TMEM229B: variants seen among roughly 807,000 people sequenced by gnomAD.
TMEM229B encodes the protein transmembrane protein 229B.
TMEM229B carries 6 observed loss-of-function variants against 13.7 expected under a neutral mutation model. The ratio of observed to expected loss-of-function variants is 0.44; its 90% confidence interval spans 0.24 to 0.86. The LOEUF (loss-of-function observed/expected upper bound fraction) is 0.86, where lower values mean the gene tolerates loss of function less well. Among genes scored for constraint, TMEM229B ranks in the 40% least tolerant of loss-of-function variants. The probability of loss-of-function intolerance (pLI) is 0.23; values close to 1 mark genes in which losing one functional copy is unlikely to be tolerated. For synonymous variants in TMEM229B, 107 were observed against 102.1 expected (o/e 1.05, Z -0.29); for missense variants, 170 against 236.0 (o/e 0.72, Z 1.83).
chr14:67,521,602 G>A (rs1056727803), intron 1 of TMEM229B, among the ~76,000 whole-genome samples: 2 of 152,130 alleles, frequency 1.3e-5, no homozygotes, highest in Non-Finnish European at 2.9e-5. Flanking sequence ...GGACTATGCA[G>A]TATTCATGAA....
upstream of TMEM229B, among the ~76,000 whole-genome samples, chr14:67,520,420 G>C (rs1021069951): frequency 6.6e-6 from 1 of 152,148 alleles, no homozygotes; most frequent in Non-Finnish European, 1.5e-5. Context: ...ATGTCATATA[G>C]GTGAAATCAC....
chr14:67,527,284 T>C (rs1410104018), intron 1 of TMEM229B, among the ~76,000 whole-genome samples: 1 of 152,192 alleles, frequency 6.6e-6, no homozygotes, highest in East Asian at 1.9e-4. Flanking sequence ...CCTCAGTCTA[T>C]GCATCTATAA....
chr14:67,485,830 G>A (rs562913610), intron 2 of TMEM229B, among the ~76,000 whole-genome samples: 1 of 152,160 alleles, frequency 6.6e-6, no homozygotes, highest in South Asian at 2.1e-4. Context: ...TCTCGCTGAG[G>A]AGGAGATGCT....
chr14:67,529,649 C>G (rs1293236523), intron 1 of TMEM229B, among the ~76,000 whole-genome samples: 1 of 152,180 alleles, frequency 6.6e-6, no homozygotes, highest in Non-Finnish European at 1.5e-5. Context: ...TCACTGCCTT[C>G]CTAGCCCCAC....
rs2032009309 is a variant in TMEM229B, at chr14:67,488,488, C to A, written c.-192+20G>T. The A allele has an allele frequency of 6.6e-6, 1 of 152,658 alleles. No homozygotes were observed. The allele number at this position is 152,658 out of a possible 1,614,324, so 9.5% of individuals were successfully genotyped here. A position where few individuals can be genotyped will look rare whatever the true frequency, so the allele number is the denominator to read the frequency against. On this transcript the variant is annotated intron_variant, in intron 1 of 2. Transcript: ENST00000554480. ...TTCACAAACGGGACCCTCCAACCCT[C>A]CCTGATCTGTCCATCTTACCGGCTT...
chr14:67,508,140 A>AAAG (rs1424036940), intron 1 of TMEM229B, among the ~76,000 whole-genome samples: 1 of 151,338 alleles, frequency 6.6e-6, no homozygotes, highest in Non-Finnish European at 1.5e-5. Context: ...CATCTCAAAA[A>AAAG]AAAAAAAAAG....
In TMEM229B at chr14:67,473,303, G is replaced by A; in HGVS notation, c.*117C>T. The A allele has an allele frequency of 7.0e-7, 1 of 1,428,866 alleles. No individual in the cohort carries two copies. Among genetic ancestry groups the A allele is most frequent in the Non-Finnish European group, 9.5e-7 (1 of 1,047,184 alleles). The allele number at this position is 1,428,866 out of a possible 1,614,324, so 88.5% of individuals were successfully genotyped here. A position where few individuals can be genotyped will look rare whatever the true frequency, so the allele number is the denominator to read the frequency against. On this transcript the variant is annotated 3_prime_UTR_variant, in exon 3 of 3. Coordinates refer to ENST00000554480, the MANE Select transcript of TMEM229B (RefSeq NM_001348543.2). The surrounding 1 kb of genome is among the most constrained non-coding windows in gnomAD (Gnocchi z 6.5). ...GTTAGGGGGCTCTGTGTGCCCTATAGGGCTGAGGCTTGGCCGGAGCAGGGC... is the reference window on the plus strand; with the variant it reads ...GTTAGGGGGCTCTGTGTGCCCTATAAGGCTGAGGCTTGGCCGGAGCAGGGC...
At chr14:67,500,759 G>C (rs1010674232) in intron 1 of TMEM229B, among the ~76,000 whole-genome samples, 1 of 151,640 alleles carries the variant, frequency 6.6e-6, no homozygotes, top group African/African-American at 2.4e-5. Context: ...TTTTACTAGA[G>C]ACGGGGTTTC....
At chr14:67,522,241 A>G (rs573178679) in intron 1 of TMEM229B, among the ~76,000 whole-genome samples, 1 of 152,184 alleles carries the variant, frequency 6.6e-6, no homozygotes, top group Non-Finnish European at 1.5e-5. Flanking sequence ...CATTCCACAC[A>G]TATCCCCGTA....
intron 2 of TMEM229B, among the ~76,000 whole-genome samples, chr14:67,482,197 G>A (rs576219165): frequency 6.6e-6 from 1 of 152,302 alleles, no homozygotes; most frequent in South Asian, 2.1e-4. Flanking sequence ...TCAGAGCCCT[G>A]TTCACTAAGA....
intron 2 of TMEM229B, among the ~76,000 whole-genome samples, chr14:67,486,509 G>T (rs1183460790): frequency 6.6e-6 from 1 of 152,158 alleles, no homozygotes; most frequent in African/African-American, 2.4e-5. Context: ...TGTTGACCTT[G>T]CGATCCACCC....
chr14:67,526,902 G>T (rs1594724349), intron 1 of TMEM229B, among the ~76,000 whole-genome samples: 1 of 152,166 alleles, frequency 6.6e-6, no homozygotes. Flanking sequence ...TAGGGTATGA[G>T]CCCTGACACA....
chr14:67,504,860 A>G (rs1456722836), intron 1 of TMEM229B, among the ~76,000 whole-genome samples: 3 of 152,178 alleles, frequency 2.0e-5, no homozygotes, highest in Admixed American at 6.5e-5. Context: ...CACTCCAATC[A>G]GGGCAACAAG....
chr14:67,474,766 A>G (rs1474243654), intron 2 of TMEM229B, among the ~76,000 whole-genome samples: 1 of 152,140 alleles, frequency 6.6e-6, no homozygotes, highest in Non-Finnish European at 1.5e-5. Context: ...TTCTGTCTCT[A>G]TGAATTTGAC....
chr14:67,518,335 C>A (rs897156287), upstream of TMEM229B, among the ~76,000 whole-genome samples: 1 of 152,196 alleles, frequency 6.6e-6, no homozygotes, highest in Admixed American at 6.5e-5. Flanking sequence ...CTTTTCTCAG[C>A]CTATTTTTCT....
intron 1 of TMEM229B, among the ~76,000 whole-genome samples, chr14:67,506,102 G>A (rs1030003902): frequency 1.2e-4 from 18 of 152,206 alleles, no homozygotes; most frequent in African/African-American, 3.6e-4. Flanking sequence ...CCAGGAAGCT[G>A]GAAGCCAGCA....
upstream of TMEM229B, among the ~76,000 whole-genome samples, chr14:67,493,230 G>C (rs190680066): frequency 1.3e-5 from 2 of 152,288 alleles, no homozygotes; most frequent in East Asian, 3.9e-4. Context: ...TATTCTGAAA[G>C]TAATCTTACC....
intron 2 of TMEM229B, among the ~76,000 whole-genome samples, chr14:67,485,442 C>G (rs1313109856): frequency 6.6e-6 from 1 of 152,204 alleles, no homozygotes; most frequent in Non-Finnish European, 1.5e-5. Flanking sequence ...CAAGATCTAC[C>G]TAAAGTGGAA....
At chr14:67,480,808 C>T (rs977959142) in intron 2 of TMEM229B, among the ~76,000 whole-genome samples, 1 of 152,198 alleles carries the variant, frequency 6.6e-6, no homozygotes, top group African/African-American at 2.4e-5. Flanking sequence ...AAACCCTGCT[C>T]TTCTTGCCTC....
Sources: allele counts gnomAD v4.1 joint callset (sites outside exome capture counted in the v4.1 genomes callset), GRCh38; gene constraint gnomAD v4.1.1; non-coding constraint Gnocchi (gnomAD v3.1); transcripts MANE v1.5; gene names NCBI Gene and HGNC (gene_info 2026-07-23, HGNC 2026-07-21).